The following CWH43 variants were observed in gnomAD, a reference collection of about 807,000 sequenced individuals.
CWH43 encodes the protein cell wall biogenesis 43 C-terminal homolog, also known as PGAP2-interacting protein.
CWH43 carries 91 observed loss-of-function variants against 85.7 expected under a neutral mutation model. That is an observed-to-expected ratio of 1.06 (90% CI 0.90 to 1.26). The LOEUF (loss-of-function observed/expected upper bound fraction) is 1.26. CWH43 is among the 50% of genes most tolerant of loss of function. CWH43 has a pLI of 0.00. For synonymous variants in CWH43, 323 were observed against 293.6 expected, an observed-to-expected ratio of 1.10 and a Z score of -1.02; for missense variants, 869 against 839.2, an observed-to-expected ratio of 1.04 and a Z score of -0.44.
chr4:48,987,957 T>C (rs2109735303), intron 1 of CWH43, among the ~76,000 whole-genome samples: 1 of 152,306 alleles, frequency 6.6e-6, no homozygotes, highest in Non-Finnish European at 1.5e-5. Flanking sequence ...AAGAAAATTT[T>C]GTCAGTCAGG....
At chr4:49,018,907 A>G (rs1478875961) in intron 9 of CWH43, among the ~76,000 whole-genome samples, 5 of 152,244 alleles carry the variant, frequency 3.3e-5, no homozygotes, top group African/African-American at 1.2e-4. Context: ...AGATAATAGT[A>G]GACCATCATT....
intron 14 of CWH43, among the ~76,000 whole-genome samples, chr4:49,046,824 GT>G (rs1784640192): frequency 6.6e-6 from 1 of 152,182 alleles, no homozygotes; most frequent in Admixed American, 6.5e-5. Context: ...TGATTCACAG[GT>G]TCCTCTACAT....
At chr4:49,004,805 A>C (rs551805936) in intron 7 of CWH43, among the ~76,000 whole-genome samples, 5 of 152,340 alleles carry the variant, frequency 3.3e-5, no homozygotes, top group African/African-American at 9.6e-5. Context: ...ATGAATTTGC[A>C]TACCAAAATT....
intron 6 of CWH43, among the ~76,000 whole-genome samples, chr4:49,000,569 A>G (rs1247475324): frequency 2.0e-5 from 3 of 152,226 alleles, no homozygotes; most frequent in Non-Finnish European, 4.4e-5. Context: ...TATAACTTGG[A>G]AAAGGAAAAA....
At chr4:49,014,268 T>A (rs1216034645) in intron 8 of CWH43, among the ~76,000 whole-genome samples, 2 of 152,010 alleles carry the variant, frequency 1.3e-5, no homozygotes, top group Non-Finnish European at 2.9e-5. Context: ...GCATAAGCAA[T>A]GTAGTGAGAC....
chr4:49,048,550 G>T (rs1784701502), intron 14 of CWH43, among the ~76,000 whole-genome samples: 1 of 152,044 alleles, frequency 6.6e-6, no homozygotes, highest in Admixed American at 6.6e-5. Context: ...TAAGGTACCA[G>T]CAGGGTTGGT....
At chr4:49,007,072 G>T in intron 7 of CWH43, 129 bp from the exon 8 acceptor site, 1 of 1,052,130 alleles carries the variant, frequency 9.5e-7, no homozygotes, top group Non-Finnish European at 1.3e-6. Flanking sequence ...TTTAGGTTCT[G>T]AGATAAATTA....
At chr4:48,994,564 A>G in intron 4 of CWH43, 55 bp from the exon 5 acceptor site, 2 of 1,426,568 alleles carry the variant, frequency 1.4e-6, no homozygotes, top group Non-Finnish European at 2.0e-6. Context: ...CTAAATATAG[A>G]GCGCAAATTT....
intron 9 of CWH43, among the ~76,000 whole-genome samples, chr4:49,027,442 T>C (rs1783951132): frequency 6.6e-6 from 1 of 152,198 alleles, no homozygotes; most frequent in South Asian, 2.1e-4. Flanking sequence ...AGAAAAAGGA[T>C]AGCATGATAA....
chr4:48,995,900 G>A (rs776821255), intron 5 of CWH43, among the ~76,000 whole-genome samples: 6 of 152,222 alleles, frequency 3.9e-5, no homozygotes, highest in Non-Finnish European at 8.8e-5. Flanking sequence ...CATGGTTCCA[G>A]AATGATCTCT....
intron 8 of CWH43, among the ~76,000 whole-genome samples, chr4:49,008,513 C>T (rs1003074770): frequency 9.2e-5 from 14 of 151,974 alleles, no homozygotes; most frequent in African/African-American, 2.4e-4. Context: ...GCTTTTGTTG[C>T]GTTGCTTTTG....
chr4:49,004,796 T>C (rs2109762791), intron 7 of CWH43, among the ~76,000 whole-genome samples: 1 of 152,346 alleles, frequency 6.6e-6, no homozygotes, highest in Non-Finnish European at 1.5e-5. Context: ...TTAGTGGTTA[T>C]GAATTTGCAT....
chr4:48,989,541 A>G (rs1489021082), intron 2 of CWH43, among the ~76,000 whole-genome samples: 2 of 152,224 alleles, frequency 1.3e-5, no homozygotes, highest in African/African-American at 4.8e-5. Context: ...CCATCGCACA[A>G]CACAGTCAGA....
rs564626629 is a variant in CWH43 at position 48,999,198 on chromosome 4, A to G, written c.802+650A>G. On this transcript the variant is annotated intron_variant, in intron 6 of 15. Transcript: ENST00000226432. ...GCATTTGGTTTTCTGTTCCTGCATT[A>G]GTTTGCTAAGGATGATGGCCTCCAG... Among the ~76,000 whole-genome samples the G allele has an allele frequency of 3.3e-5, 5 of 152,254 alleles. No homozygotes were observed. The South Asian group carries it at 1.0e-3, about 32-fold the overall frequency.
intron 12 of CWH43, among the ~76,000 whole-genome samples, chr4:49,037,445 C>T (rs1272626197): frequency 6.6e-6 from 1 of 152,078 alleles, no homozygotes; most frequent in Non-Finnish European, 1.5e-5. Context: ...TAGTGTGCAC[C>T]TGTCATGCCA....
At chr4:49,022,606 T>C (rs1783786752) in intron 9 of CWH43, among the ~76,000 whole-genome samples, 1 of 152,214 alleles carries the variant, frequency 6.6e-6, no homozygotes, top group Non-Finnish European at 1.5e-5. Flanking sequence ...TCTTTTGGAA[T>C]AGTGTCAGTA....
At chr4:49,016,236 T>C (rs1236174629) in intron 8 of CWH43, among the ~76,000 whole-genome samples, 2 of 152,240 alleles carry the variant, frequency 1.3e-5, no homozygotes, top group Non-Finnish European at 2.9e-5. Context: ...AATAATTTTA[T>C]AAACCTTGTT....
chr4:49,047,207 G>A (rs1473605268), intron 14 of CWH43, among the ~76,000 whole-genome samples: 1 of 152,188 alleles, frequency 6.6e-6, no homozygotes, highest in Non-Finnish European at 1.5e-5. Context: ...GTGGGGATAT[G>A]GCTTGTTTGG....
intron 14 of CWH43, among the ~76,000 whole-genome samples, chr4:49,048,807 T>C (rs1338851007): frequency 6.6e-6 from 1 of 152,148 alleles, no homozygotes; most frequent in Non-Finnish European, 1.5e-5. Flanking sequence ...CAAATGAATT[T>C]TGGGGGGAAC....
Sources: gnomAD v4.1 joint callset for allele counts (sites outside exome capture counted in the v4.1 genomes callset) on GRCh38, gnomAD v4.1.1 for gene constraint, MANE v1.5 for transcripts, NCBI Gene and HGNC (gene_info 2026-07-23, HGNC 2026-07-21) for gene names.